The following SEZ6L variants were observed in gnomAD, a reference collection of about 807,000 sequenced individuals.
SEZ6L encodes the protein seizure related 6 homolog like.
Under a neutral mutation model 106.2 loss-of-function variants are expected in SEZ6L, and 37 were observed. The ratio of observed to expected loss-of-function variants is 0.35; its 90% CI spans 0.27 to 0.46. The LOEUF is 0.46. Among genes scored for constraint, SEZ6L ranks in the 20% least tolerant of loss-of-function variants. The pLI is 1.00. For missense variants in SEZ6L, 1,172 were observed against 1,332.8 expected, an observed-to-expected ratio of 0.88 and a Z score of 1.88; for synonymous variants, 541 against 570.4, an observed-to-expected ratio of 0.95 and a Z score of 0.73.
At chr22:26,377,824 G>T (rs751720232) in intron 16 of SEZ6L, 49 bp downstream of exon 16, 4 of 1,332,472 alleles carry the variant, frequency 3.0e-6, no homozygotes, top group Non-Finnish European at 4.3e-6. Context: ...TCTTTGCTCT[G>T]AATTCACCAA....
Position 26,314,767 on chromosome 22 carries a change from C to G in SEZ6L, c.2015+865C>G, listed in dbSNP as rs117504479. ...TGGGCCAGATGCAAAAGTGACTGCTCTAAGCATTTCTATCTTAGGTAATTC... is the reference window on the plus strand; with the variant it reads ...TGGGCCAGATGCAAAAGTGACTGCTGTAAGCATTTCTATCTTAGGTAATTC... On this transcript the variant is annotated intron_variant, in intron 9 of 16. Coordinates refer to ENST00000248933, the MANE Select transcript of SEZ6L (RefSeq NM_021115.5). Among the ~76,000 whole-genome samples, 824 of 152,310 alleles carry G rather than the reference C, an allele frequency of 5.4e-3. 16 individuals are homozygous for G. In the East Asian group the frequency reaches 0.059, roughly 11 times the overall value.
At chr22:26,220,732 C>T (rs1484894918) in intron 1 of SEZ6L, among the ~76,000 whole-genome samples, 1 of 152,198 alleles carries the variant, frequency 6.6e-6, no homozygotes, top group East Asian at 1.9e-4. Context: ...AGATTGTGAG[C>T]TCATCCATGA....
chr22:26,192,413 A>G (rs1284466609), intron 1 of SEZ6L, among the ~76,000 whole-genome samples: 1 of 152,200 alleles, frequency 6.6e-6, no homozygotes, highest in African/African-American at 2.4e-5. Flanking sequence ...TTGAAACTAT[A>G]TTGTTACCAG....
chr22:26,265,029 G>T (rs1300459870), intron 1 of SEZ6L, among the ~76,000 whole-genome samples: 2 of 152,174 alleles, frequency 1.3e-5, no homozygotes, highest in Non-Finnish European at 2.9e-5. Context: ...GGTGGAGGAA[G>T]TTTACAGACA....
intron 8 of SEZ6L, among the ~76,000 whole-genome samples, chr22:26,312,698 G>A (rs2081877623): frequency 6.6e-6 from 1 of 152,210 alleles, no homozygotes; most frequent in African/African-American, 2.4e-5. Flanking sequence ...AGCCTCCTGA[G>A]TAGCTGGGAC....
intron 9 of SEZ6L, among the ~76,000 whole-genome samples, chr22:26,322,165 T>C (rs1203836779): frequency 6.6e-6 from 1 of 152,248 alleles, no homozygotes; most frequent in Non-Finnish European, 1.5e-5. Context: ...GGCACATAGT[T>C]GGTGCTTCAT....
chr22:26,214,477 C>T (rs2078245024), intron 1 of SEZ6L, among the ~76,000 whole-genome samples: 2 of 152,134 alleles, frequency 1.3e-5, no homozygotes, highest in Admixed American at 1.3e-4. Context: ...GTTATGGATT[C>T]CCTGATGGGG....
At position 26,219,644 on chromosome 22, in the gene SEZ6L, G is replaced by A. The variant is rs1019346014; in HGVS notation, c.94+49881G>A. Among the ~76,000 whole-genome samples the A allele has an allele frequency of 1.3e-5, 2 of 152,134 alleles. 1 individual carries two copies. The highest frequency in any genetic ancestry group is 4.1e-4 in the South Asian group (2 of 4,820). ...AAATAATAATTAAAACAACTAAGAG[G>A]AGAAGTTCAAAGAGGATCATTAAAG... On this transcript the variant is annotated intron_variant, in intron 1 of 16. Transcript: ENST00000248933.
chr22:26,378,408 A>T (rs1434983899), intron 16 of SEZ6L, among the ~76,000 whole-genome samples: 1 of 152,196 alleles, frequency 6.6e-6, no homozygotes, highest in Non-Finnish European at 1.5e-5. Context: ...CACAGCCAGG[A>T]TGCACAGCCT....
At chr22:26,297,686 T>G (rs2081340008) in intron 4 of SEZ6L, among the ~76,000 whole-genome samples, 1 of 152,268 alleles carries the variant, frequency 6.6e-6, no homozygotes, top group Middle Eastern at 3.4e-3. Context: ...TGTTCCTGTC[T>G]TCTCTGTTTT....
intron 11 of SEZ6L, 111 bp downstream of exon 11, chr22:26,348,024 C>T (rs2083068158): frequency 1.3e-6 from 1 of 782,820 alleles, no homozygotes; most frequent in Non-Finnish European, 2.0e-6. Flanking sequence ...TGGACTCCCC[C>T]TCCACCACCA....
In SEZ6L at chr22:26,196,791, T is replaced by C. The variant is rs5752276; in HGVS notation, c.94+27028T>C. Among the ~76,000 whole-genome samples the C allele has an allele frequency of 3.3e-3, 501 of 152,302 alleles. 12 individuals carry two copies. In the South Asian group the frequency reaches 0.064, roughly 19 times the overall value. ...CAAGGTCTATTTTGAAGTTAAAGTC[T>C]ATAGACTTGCTGATAGATAAAATGT... On this transcript the variant is annotated intron_variant, in intron 1 of 16. Transcript: ENST00000248933.
At chr22:26,209,611 A>G (rs985678540) in intron 1 of SEZ6L, among the ~76,000 whole-genome samples, 2 of 150,972 alleles carry the variant, frequency 1.3e-5, no homozygotes, top group African/African-American at 4.9e-5. Flanking sequence ...GGAAAGAAGG[A>G]GGGAGGAGGG....
intron 13 of SEZ6L, among the ~76,000 whole-genome samples, chr22:26,371,660 CA>C (rs1370197217): frequency 3.6e-5 from 4 of 112,144 alleles, no homozygotes; most frequent in South Asian, 8.3e-4. Context: ...ACACAAATGA[CA>C]AAAAAAGGAA....
chr22:26,280,999 C>A (rs2080743025), intron 1 of SEZ6L, among the ~76,000 whole-genome samples: 1 of 152,186 alleles, frequency 6.6e-6, no homozygotes, highest in Non-Finnish European at 1.5e-5. Context: ...ATCCCTTGAA[C>A]TTATCTCTCC....
intron 1 of SEZ6L, among the ~76,000 whole-genome samples, chr22:26,262,362 A>T (rs951815362): frequency 2.0e-4 from 31 of 152,040 alleles, no homozygotes; most frequent in Non-Finnish European, 3.5e-4. Context: ...ACTGCAGCAC[A>T]TCTCCTCATG....
chr22:26,337,028 G>A (rs541709798), intron 9 of SEZ6L, among the ~76,000 whole-genome samples: 1 of 152,108 alleles, frequency 6.6e-6, no homozygotes, highest in Non-Finnish European at 1.5e-5. Context: ...TGACATCACC[G>A]AGCTTGCCCA....
chr22:26,217,297 C>T (rs1237563949), intron 1 of SEZ6L, among the ~76,000 whole-genome samples: 1 of 152,200 alleles, frequency 6.6e-6, no homozygotes, highest in Non-Finnish European at 1.5e-5. Context: ...CCAGACTCTT[C>T]TTTGGAACTT....
At chr22:26,196,481 C>T (rs560484137) in intron 1 of SEZ6L, among the ~76,000 whole-genome samples, 1 of 152,296 alleles carries the variant, frequency 6.6e-6, no homozygotes, top group South Asian at 2.1e-4. Flanking sequence ...GAGGGCAAGC[C>T]TGCTCAGAAA....
Sources: allele counts gnomAD v4.1 joint callset (sites outside exome capture counted in the v4.1 genomes callset), GRCh38; gene constraint gnomAD v4.1.1; transcripts MANE v1.5; gene names NCBI Gene and HGNC (gene_info 2026-07-23, HGNC 2026-07-21).